Variants in SERPINE2 observed in about 807,000 individuals in gnomAD.
SERPINE2 encodes serpin family E member 2, also known as glia-derived nexin.
In SERPINE2, 14 loss-of-function variants were observed where a neutral mutation model predicts 36.3. The ratio of observed to expected loss-of-function variants is 0.39; its 90% CI spans 0.25 to 0.60. SERPINE2 has a LOEUF of 0.60. SERPINE2 is among the 20% of genes least tolerant of loss of function. The pLI is 0.57. For missense variants in SERPINE2, 418 were observed against 499.6 expected (o/e 0.84, Z 1.56); for synonymous variants, 192 against 191.8 (o/e 1.00, Z -0.01).
chr2:224,018,779 T>C (rs1574843589), intron 1 of SERPINE2, among the ~76,000 whole-genome samples: 3 of 152,214 alleles, frequency 2.0e-5, no homozygotes, highest in South Asian at 4.1e-4. Context: ...GTCTGGAAAC[T>C]GTCCTTCATC....
chr2:224,031,036 G>A (rs1692345647), intron 1 of SERPINE2: 6 of 985,188 alleles, frequency 6.1e-6, no homozygotes, highest in South Asian at 4.7e-5. Flanking sequence ...GGGCTATCAC[G>A]CAGCACGGCG....
At chr2:223,979,116 T>C (rs375128027) in intron 7 of SERPINE2, 41 of 152,338 alleles carry the variant, frequency 2.7e-4, no homozygotes, top group African/African-American at 9.1e-4. Context: ...AACGGTATTT[T>C]GTCATGGCAG....
chr2:223,978,875 G>A (rs1229209839), intron 7 of SERPINE2: 1 of 152,192 alleles, frequency 6.6e-6, no homozygotes, highest in Non-Finnish European at 1.5e-5. Flanking sequence ...CCTTTGAGGA[G>A]GTAATGAAGG....
intron 1 of SERPINE2, among the ~76,000 whole-genome samples, chr2:224,026,650 G>A (rs748719254): frequency 1.3e-5 from 2 of 152,078 alleles, no homozygotes; most frequent in Non-Finnish European, 2.9e-5. Context: ...TTTCCAAGCC[G>A]GGACACTCTT....
chr2:223,998,247 C>T lies in SERPINE2; in HGVS notation c.355G>A (p.Ala119Thr), dbSNP rs776620099. 1.7e-5 allele frequency: 27 copies of T among 1,614,050 alleles called. No individual in the cohort carries two copies. Among genetic ancestry groups the T allele is most frequent in the Middle Eastern group, 3.3e-4 (2 of 6,084 alleles). The stretch of plus-strand genomic sequence containing the variant: ...ACAAAAGGCACTTCAATTTCAGAGG[C>T]ATTCTTAACAAACACGGCGTTAGCC... ...TVANAVFVKNASEIEVPFVTR... is the reference protein window; with the variant it reads ...TVANAVFVKNTSEIEVPFVTR... Residue 119 changes from alanine (A) to threonine (T), a missense_variant, in exon 3 of 9, where the codon GCC (alanine) becomes ACC (threonine). Transcript: ENST00000409304.
chr2:223,986,507 T>G (rs1349536975), intron 4 of SERPINE2, among the ~76,000 whole-genome samples: 1 of 151,800 alleles, frequency 6.6e-6, no homozygotes, highest in Non-Finnish European at 1.5e-5. Context: ...AAAAAATCAC[T>G]TCCTAATGAG....
At chr2:223,983,736 A>ATG (rs71058971) in intron 5 of SERPINE2, among the ~76,000 whole-genome samples, 415 of 82,800 alleles carry the variant, frequency 5.0e-3, no homozygotes, top group East Asian at 0.024. Flanking sequence ...ATGTGTGTAT[A>ATG]TGTGTGTGTG....
chr2:224,037,980 T>C (rs545048317), intron 1 of SERPINE2, among the ~76,000 whole-genome samples: 52 of 152,228 alleles, frequency 3.4e-4, no homozygotes, highest in Admixed American at 7.2e-4. Flanking sequence ...AATTTTTCTA[T>C]TGAAATACTG....
intron 5 of SERPINE2, among the ~76,000 whole-genome samples, chr2:223,984,253 A>G (rs1045038950): frequency 2.6e-5 from 4 of 152,240 alleles, no homozygotes; most frequent in African/African-American, 9.6e-5. Flanking sequence ...GCTTCAAGTC[A>G]TAACAGCTCA....
At chr2:224,026,442 T>C (rs796409219) in intron 1 of SERPINE2, among the ~76,000 whole-genome samples, 3 of 152,224 alleles carry the variant, frequency 2.0e-5, no homozygotes, top group African/African-American at 7.2e-5. Context: ...TGAAGCAACC[T>C]CGATAAGCAT....
intron 1 of SERPINE2, among the ~76,000 whole-genome samples, chr2:224,036,809 G>A (rs577515896): frequency 1.3e-4 from 20 of 152,018 alleles, no homozygotes; most frequent in Admixed American, 5.2e-4. Flanking sequence ...GACAAGGGAG[G>A]TTAAGGCATT....
chr2:224,031,566 AC>A, intron 1 of SERPINE2: 1 of 922,108 alleles, frequency 1.1e-6, no homozygotes, highest in Non-Finnish European at 1.3e-6. Flanking sequence ...TGACCACGTG[AC>A]CTAGCATCAG....
chr2:224,026,193 G>A (rs1299320468), intron 1 of SERPINE2, among the ~76,000 whole-genome samples: 1 of 152,180 alleles, frequency 6.6e-6, no homozygotes, highest in Non-Finnish European at 1.5e-5. Context: ...AGGCTGGGTC[G>A]CCAAATCACC....
At chr2:224,038,736 G>A (rs1574857878) in intron 1 of SERPINE2, 1 of 576,518 alleles carries the variant, frequency 1.7e-6, no homozygotes, top group East Asian at 2.9e-5. Context: ...CAGGTTCAGG[G>A]TCAGGGCCGG....
chr2:224,031,253 C>T (rs1213033009), intron 1 of SERPINE2: 1 of 845,928 alleles, frequency 1.2e-6, no homozygotes, highest in Non-Finnish European at 1.3e-6. Context: ...GGCATACAGG[C>T]TGTGTGACCC....
At chr2:224,024,734 C>T (rs1318111454) in intron 1 of SERPINE2, among the ~76,000 whole-genome samples, 1 of 152,214 alleles carries the variant, frequency 6.6e-6, no homozygotes, top group African/African-American at 2.4e-5. Context: ...CAGAACTTTT[C>T]TTCACAAGAC....
At chr2:224,019,937 T>C (rs1691940109) in intron 1 of SERPINE2, among the ~76,000 whole-genome samples, 1 of 152,066 alleles carries the variant, frequency 6.6e-6, no homozygotes, top group Non-Finnish European at 1.5e-5. Context: ...CCCACCCAGA[T>C]GGACCAACCA....
chr2:224,016,468 T>C (rs1298415611), intron 1 of SERPINE2, among the ~76,000 whole-genome samples: 2 of 150,388 alleles, frequency 1.3e-5, no homozygotes. Context: ...GTTGTGCTAT[T>C]GCACTCCAGC....
intron 7 of SERPINE2, 124 bp downstream of exon 7, chr2:223,980,187 G>T (rs1380435022): frequency 2.6e-6 from 2 of 756,392 alleles, no homozygotes; most frequent in Non-Finnish European, 4.6e-6. Context: ...TCTCCTGAGG[G>T]TTAACCCACA....
Sources: allele counts gnomAD v4.1 joint callset (sites outside exome capture counted in the v4.1 genomes callset), GRCh38; gene constraint gnomAD v4.1.1; transcripts MANE v1.5; gene names NCBI Gene and HGNC (gene_info 2026-07-23, HGNC 2026-07-21).